USP9X: variants seen among roughly 807,000 people sequenced by gnomAD.
USP9X encodes ubiquitin specific peptidase 9 X-linked, also known as ubiquitin carboxyl-terminal hydrolase 9X.
A neutral mutation model predicts 190.3 loss-of-function variants in USP9X; 7 were observed. The observed-to-expected ratio is 0.04, with a 90% confidence interval of 0.02 to 0.07. The LOEUF (loss-of-function observed/expected upper bound fraction) is 0.07, where lower values mean the gene tolerates loss of function less well. Ranked by LOEUF, USP9X falls within the 10% of genes least tolerant of loss-of-function variation. USP9X has a pLI of 1.00. For missense variants in USP9X, 1,010 were observed against 1,916.9 expected (o/e 0.53, Z 8.83); for synonymous variants, 645 against 659.5 (o/e 0.98, Z 0.34).
At chrX:41,151,162 T>A in intron 13 of USP9X, 105 bp downstream of exon 13, 2 of 800,191 alleles carry the variant, frequency 2.5e-6, no homozygotes, top group Non-Finnish European at 1.7e-6. Context: ...ATTAGTGGAG[T>A]GAGAAGAGGC....
rs759279669 is a variant in USP9X at position 41,179,588 on chromosome X, A to AT, written c.3149-4405dup. ...AAACACTACTTAGTTTTGTATATTG[A>AT]TTTTTGTATCCTGCAGTTAACTAAC... On this transcript the variant is annotated intron_variant, in intron 21 of 44. Transcript: ENST00000378308. Among the ~76,000 whole-genome samples the AT allele has an allele frequency of 5.2e-3, 576 of 111,625 alleles. 3 individuals carry two copies. Among genetic ancestry groups the AT allele is most frequent in the African/African-American group, 0.017 (528 of 30,699 alleles).
chrX:41,217,381 G>A (rs2063222121), intron 36 of USP9X, 38 bp downstream of exon 36: 1 of 1,162,122 alleles, frequency 8.6e-7, no homozygotes, highest in Non-Finnish European at 1.1e-6. Flanking sequence ...TTATACTAAT[G>A]TTTGGTTTGC....
intron 31 of USP9X, among the ~76,000 whole-genome samples, chrX:41,202,328 G>A (rs2063050807): frequency 2.7e-5 from 3 of 112,043 alleles, no homozygotes; most frequent in Non-Finnish European, 1.9e-5. Flanking sequence ...TTGTAGTGGC[G>A]AATCAGAATT....
intron 3 of USP9X, among the ~76,000 whole-genome samples, chrX:41,129,813 C>T (rs1215352149): frequency 9.0e-6 from 1 of 111,439 alleles, no homozygotes; most frequent in East Asian, 2.8e-4. Flanking sequence ...CCTCACTCCC[C>T]AAAAGGAAAG....
chrX:41,100,437 T>C (rs756723615), intron 1 of USP9X, among the ~76,000 whole-genome samples: 19 of 111,967 alleles, frequency 1.7e-4, no homozygotes, highest in Non-Finnish European at 3.0e-4. Flanking sequence ...CTTCAGTCTT[T>C]AGTGTTAACT....
At chrX:41,203,800 C>T (rs1033164185) in intron 31 of USP9X, among the ~76,000 whole-genome samples, 5 of 111,027 alleles carry the variant, frequency 4.5e-5, no homozygotes, top group African/African-American at 1.6e-4. Flanking sequence ...TGGGTTCAAG[C>T]GATTCTCCTG....
chrX:41,108,116 T>G (rs1274007782), intron 1 of USP9X, among the ~76,000 whole-genome samples: 3 of 111,813 alleles, frequency 2.7e-5, no homozygotes, highest in African/African-American at 9.8e-5. Flanking sequence ...TCTAGCAGCT[T>G]TGTTGTTTGT....
chrX:41,089,035 G>T (rs2061933786), intron 1 of USP9X, among the ~76,000 whole-genome samples: 1 of 112,290 alleles, frequency 8.9e-6, no homozygotes, highest in Admixed American at 9.4e-5. Context: ...CTGATAGGGA[G>T]CCTGGGCAAA....
intron 26 of USP9X, among the ~76,000 whole-genome samples, chrX:41,191,284 G>A (rs1360891877): frequency 9.6e-6 from 1 of 104,118 alleles, no homozygotes; most frequent in Non-Finnish European, 1.9e-5. Flanking sequence ...AGCTGAGATC[G>A]CGCCATTGTA....
At chrX:41,110,182 C>T (rs147941488) in intron 1 of USP9X, among the ~76,000 whole-genome samples, 376 of 111,405 alleles carry the variant, frequency 3.4e-3, no homozygotes, top group Non-Finnish European at 5.8e-3. Context: ...ATCTTCCTGT[C>T]TCAGCCTCCG....
chrX:41,137,809 G>A (rs986613261), intron 6 of USP9X, among the ~76,000 whole-genome samples: 1 of 110,475 alleles, frequency 9.1e-6, no homozygotes, highest in African/African-American at 3.3e-5. Context: ...AGTAGATCAG[G>A]TTACTATCTA....
chrX:41,202,184 T>G (rs1282255388), intron 31 of USP9X, among the ~76,000 whole-genome samples: 1 of 112,327 alleles, frequency 8.9e-6, no homozygotes, highest in African/African-American at 3.2e-5. Flanking sequence ...ATTCTTTGAA[T>G]TTCCCTTAGA....
In USP9X at chrX:41,191,205, T is replaced by A. The variant is rs182307689; in HGVS notation, c.3977+1730T>A. Reference sequence around the variant, plus strand: ...TTAGTTGGACATTGTGGTGGGCGCCTGTAATCCCAGCTACTTGGGAGACTG... The same window carrying A: ...TTAGTTGGACATTGTGGTGGGCGCCAGTAATCCCAGCTACTTGGGAGACTG... On this transcript the variant is annotated intron_variant, in intron 26 of 44. Coordinates refer to ENST00000378308, the MANE Select transcript of USP9X (RefSeq NM_001039591.3). Among the ~76,000 whole-genome samples, 103 of 108,810 alleles carry A rather than the reference T, an allele frequency of 9.5e-4. No individual in the cohort carries two copies. The Middle Eastern group carries it at 0.019, about 20-fold the overall frequency. 94.5% of individuals were successfully genotyped at this position (108,810 alleles called of 115,157 possible).
chrX:41,196,158 TC>T, intron 26 of USP9X, 92 bp from the exon 27 acceptor site: 2 of 1,004,795 alleles, frequency 2.0e-6, no homozygotes, highest in Non-Finnish European at 2.8e-6. Flanking sequence ...CCTTTTATAC[TC>T]CCCCCACCTC....
intron 21 of USP9X, among the ~76,000 whole-genome samples, chrX:41,181,464 T>TTTTTA (rs1475971543): frequency 2.2e-5 from 2 of 92,133 alleles, no homozygotes; most frequent in Non-Finnish European, 2.1e-5. Flanking sequence ...TTTTTTTTTT[T>TTTTTA]GAGATACAGA....
At chrX:41,165,531 C>T (rs1249948535) in intron 15 of USP9X, among the ~76,000 whole-genome samples, 2 of 111,960 alleles carry the variant, frequency 1.8e-5, no homozygotes, top group Non-Finnish European at 3.8e-5. Flanking sequence ...CAGCCTAAGT[C>T]TTTTATTTTT....
chrX:41,094,153 A>T (rs995164366), intron 1 of USP9X, among the ~76,000 whole-genome samples: 3 of 105,928 alleles, frequency 2.8e-5, no homozygotes, highest in Non-Finnish European at 5.8e-5. Context: ...GGAGGAACCT[A>T]CTGTAGTGAC....
chrX:41,186,830 AT>A (rs34817628), intron 24 of USP9X, among the ~76,000 whole-genome samples, 188 bp downstream of exon 24: 51 of 101,025 alleles, frequency 5.0e-4, no homozygotes, highest in Admixed American at 4.3e-4. Context: ...AGATGGGGTG[AT>A]TTTTTTTTTT....
At chrX:41,205,976 C>T (rs745785371) in intron 32 of USP9X, among the ~76,000 whole-genome samples, 4 of 105,391 alleles carry the variant, frequency 3.8e-5, no homozygotes, top group South Asian at 8.5e-4. Flanking sequence ...CTGCAACATC[C>T]GCCTCCCAGA....
Sources: allele counts gnomAD v4.1 joint callset (sites outside exome capture counted in the v4.1 genomes callset), GRCh38; gene constraint gnomAD v4.1.1; transcripts MANE v1.5; gene names NCBI Gene and HGNC (gene_info 2026-07-23, HGNC 2026-07-21).